ATRX: variants seen among roughly 807,000 people sequenced by gnomAD.
ATRX encodes chromatin remodeler ATRX.
Under a neutral mutation model 172.6 loss-of-function variants are expected in ATRX, and 12 were observed. That is an observed-to-expected ratio of 0.07 (90% CI 0.04 to 0.11). ATRX has a LOEUF of 0.11. Ranked by LOEUF, ATRX falls within the 10% of genes least tolerant of loss-of-function variation. ATRX has a pLI of 1.00. For synonymous variants in ATRX, 674 were observed against 594.7 expected, an observed-to-expected ratio of 1.13 and a Z score of -1.94; for missense variants, 1,368 against 1,767.4, an observed-to-expected ratio of 0.77 and a Z score of 4.05.
rs879962119 is a variant in ATRX, at chrX:77,685,083, T to C, written c.595-77A>G. 4.8e-5 allele frequency: 39 copies of C among 805,273 alleles called. No homozygotes were observed. In the South Asian group the frequency reaches 8.3e-4, roughly 17 times the overall value. The allele number at this position is 805,273 out of a possible 1,213,427, so 66.4% of individuals were successfully genotyped here. On this transcript the variant is annotated intron_variant, in intron 7 of 34. Transcript: ENST00000373344. ...ATAAAGGACAAAAACTTTATTTTTT[T>C]AAGTAATTAAAAACACTGGGGAAAA... is the stretch of plus-strand genomic sequence containing the variant.
chrX:77,690,865 C>G (rs1450537832), intron 6 of ATRX: 5 of 111,865 alleles, frequency 4.5e-5, no homozygotes, highest in African/African-American at 1.6e-4. Context: ...CTAGGTAATT[C>G]TTTGGAGATT....
At chrX:77,692,042 T>C (rs1261296619) in intron 6 of ATRX, among the ~76,000 whole-genome samples, 2 of 111,879 alleles carry the variant, frequency 1.8e-5, no homozygotes, top group African/African-American at 3.2e-5. Flanking sequence ...CATACCAAAG[T>C]GGCACTAGGA....
chrX:77,707,170 C>G lies in ATRX; in HGVS notation c.134-8541G>C, dbSNP rs1325070679. 1.8e-5 allele frequency among the ~76,000 whole-genome samples: 2 copies of G among 111,369 alleles called. 1 individual carries two copies. Among genetic ancestry groups the G allele is most frequent in the Non-Finnish European group, 3.8e-5 (2 of 53,071 alleles). Reference sequence around the variant, plus strand: ...TGAAGTTCCTAGAGTAGTCAAATTCCTAGGAAGAGAATGTAGAATGGTGTT... The same window carrying G: ...TGAAGTTCCTAGAGTAGTCAAATTCGTAGGAAGAGAATGTAGAATGGTGTT... On this transcript the variant is annotated intron_variant, in intron 2 of 34. Coordinates refer to ENST00000373344, the MANE Select transcript of ATRX (RefSeq NM_000489.6).
At chrX:77,604,091 T>C (rs2066798311) in intron 22 of ATRX, among the ~76,000 whole-genome samples, 1 of 112,199 alleles carries the variant, frequency 8.9e-6, no homozygotes, top group African/African-American at 3.2e-5. Flanking sequence ...ATTCTGGACA[T>C]TGGCCTAGGC....
chrX:77,777,501 C>G (rs1169127154), intron 1 of ATRX, among the ~76,000 whole-genome samples: 1 of 111,748 alleles, frequency 8.9e-6, no homozygotes, highest in African/African-American at 3.2e-5. Flanking sequence ...AGACAAAATC[C>G]CCCATAAGCA....
At chrX:77,685,097 C>T in intron 7 of ATRX, 91 bp from the exon 8 acceptor site, 1 of 702,075 alleles carries the variant, frequency 1.4e-6, no homozygotes, top group Non-Finnish European at 2.2e-6. Context: ...TAATTAAAAA[C>T]ACTGGGGAAA....
intron 1 of ATRX, among the ~76,000 whole-genome samples, chrX:77,778,528 C>T (rs782399973): frequency 3.6e-5 from 4 of 110,470 alleles, no homozygotes; most frequent in South Asian, 7.7e-4. Context: ...CAAGACCATC[C>T]TGGCCAACAC....
intron 29 of ATRX, among the ~76,000 whole-genome samples, chrX:77,558,274 T>C (rs1447112946): frequency 1.8e-5 from 2 of 110,615 alleles, no homozygotes; most frequent in African/African-American, 6.6e-5. Flanking sequence ...ATTGAATAAA[T>C]AAACAAATAA....
chrX:77,675,183 T>C (rs1175020091), intron 10 of ATRX: 1 of 112,102 alleles, frequency 8.9e-6, no homozygotes, highest in Non-Finnish European at 1.9e-5. Flanking sequence ...TTATGTTTTC[T>C]TAATGTTAGA....
chrX:77,658,541 T>TTTGACTATAG (rs782197129), intron 12 of ATRX, among the ~76,000 whole-genome samples: 3 of 112,358 alleles, frequency 2.7e-5, no homozygotes, highest in Non-Finnish European at 5.6e-5. Context: ...ATCTATAGTT[T>TTTGACTATAG]ACTTCAGAGG....
intron 27 of ATRX, among the ~76,000 whole-genome samples, chrX:77,584,302 G>A (rs1557075660): frequency 9.0e-6 from 1 of 111,187 alleles, no homozygotes; most frequent in African/African-American, 3.3e-5. Context: ...ATTCTTCACA[G>A]AAATACAAAA....
At chrX:77,549,836 G>C (rs1421489114) in intron 30 of ATRX, among the ~76,000 whole-genome samples, 1 of 111,890 alleles carries the variant, frequency 8.9e-6, no homozygotes, top group Non-Finnish European at 1.9e-5. Flanking sequence ...AAATAATAAA[G>C]TGGACAGGCA....
rs2148610304 is a variant in ATRX at position 77,683,283 on chromosome X, C to T, written c.1973G>A (p.Arg658His). 4 of 1,210,112 alleles carry T rather than the reference C, an allele frequency of 3.3e-6. No homozygotes were observed. The highest frequency in any genetic ancestry group is 4.5e-6 in the Non-Finnish European group (4 of 894,415). ...TCGCCTCAAGGGTGTAGTCTTTACA[C>T]GTGGGGATCTTCGAAGATCAGATTC... ...LEESDLRRSP[R>H]VKTTPLRRPT... The change falls in exon 9 of 35, where the codon CGT becomes CAT. Residue 658 changes from arginine to histidine, a missense_variant. By Grantham distance (29) the Arg-to-His change is conservative (BLOSUM62 0). Transcript: ENST00000373344.
At chrX:77,737,378 G>GC (rs1400335033) in intron 1 of ATRX, among the ~76,000 whole-genome samples, 1 of 81,499 alleles carries the variant, frequency 1.2e-5, no homozygotes, top group Non-Finnish European at 2.2e-5. Context: ...AGCCAAGATC[G>GC]CACCATTGCA....
chrX:77,706,710 G>A (rs982990713), intron 2 of ATRX, among the ~76,000 whole-genome samples: 1 of 109,865 alleles, frequency 9.1e-6, no homozygotes, highest in Non-Finnish European at 1.9e-5. Flanking sequence ...GCTCAGCCTG[G>A]GCTACATGGT....
intron 1 of ATRX, among the ~76,000 whole-genome samples, chrX:77,725,573 A>G (rs782667621): frequency 3.8e-4 from 43 of 112,011 alleles, no homozygotes; most frequent in African/African-American, 1.2e-3. Context: ...CAAGGACTTC[A>G]TGTCTAAAAC....
intron 15 of ATRX, among the ~76,000 whole-genome samples, chrX:77,637,000 G>A (rs2068408371): frequency 9.5e-6 from 1 of 104,958 alleles, no homozygotes; most frequent in Admixed American, 1.0e-4. Flanking sequence ...GAAGGAGGAG[G>A]AAGGAGGAAG....
At chrX:77,744,766 T>C (rs970684098) in intron 1 of ATRX, among the ~76,000 whole-genome samples, 1 of 110,236 alleles carries the variant, frequency 9.1e-6, no homozygotes, top group Admixed American at 9.7e-5. Flanking sequence ...CGCAGGAGGA[T>C]CACTTGAGTC....
chrX:77,584,463 A>G lies in ATRX; in HGVS notation c.6217+5371T>C, dbSNP rs1219349203. On this transcript the variant is annotated intron_variant, in intron 27 of 34. Coordinates refer to ENST00000373344, the MANE Select transcript of ATRX (RefSeq NM_000489.6). ...AACACTATGGTACTGGCATAAAAACACATAGATCAACACAATAGAGAACCC... is the reference window on the plus strand; with the variant it reads ...AACACTATGGTACTGGCATAAAAACGCATAGATCAACACAATAGAGAACCC... Among the ~76,000 whole-genome samples the G allele has an allele frequency of 5.4e-5, 6 of 111,836 alleles. No homozygotes were observed. In the East Asian group the frequency reaches 1.7e-3, roughly 31 times the overall value.
Sources: allele counts gnomAD v4.1 joint callset (sites outside exome capture counted in the v4.1 genomes callset), GRCh38; gene constraint gnomAD v4.1.1; transcripts MANE v1.5; gene names NCBI Gene and HGNC (gene_info 2026-07-23, HGNC 2026-07-21).